The following NRG2 variants were observed in gnomAD, a reference collection of about 807,000 sequenced individuals.
NRG2 encodes the protein neuregulin 2.
Under a neutral mutation model 73.9 loss-of-function variants are expected in NRG2, and 27 were observed. The ratio of observed to expected loss-of-function variants is 0.37; its 90% CI spans 0.27 to 0.50. The LOEUF is 0.50. Ranked by LOEUF, NRG2 falls within the 20% of genes least tolerant of loss-of-function variation. The pLI, the probability that NRG2 is intolerant of heterozygous loss-of-function variation, is 0.96. For synonymous variants in NRG2, 532 were observed against 541.0 expected, an observed-to-expected ratio of 0.98 and a Z score of 0.23; for missense variants, 1,126 against 1,210.1, an observed-to-expected ratio of 0.93 and a Z score of 1.03.
chr5:139,935,729 GT>G (rs1466613153), intron 1 of NRG2, among the ~76,000 whole-genome samples: 6 of 152,142 alleles, frequency 3.9e-5, no homozygotes, highest in African/African-American at 1.4e-4. Flanking sequence ...GGAGGCCGAG[GT>G]GGGTGGATCA....
At chr5:139,878,007 C>G (rs994154515) in intron 3 of NRG2, among the ~76,000 whole-genome samples, 1 of 152,168 alleles carries the variant, frequency 6.6e-6, no homozygotes, top group Non-Finnish European at 1.5e-5. Context: ...AAACTGATCA[C>G]AGCATGGCCT....
chr5:139,951,216 T>C (rs1257083087), intron 1 of NRG2, among the ~76,000 whole-genome samples: 5 of 152,222 alleles, frequency 3.3e-5, no homozygotes, highest in African/African-American at 1.2e-4. Context: ...TCACTTTCTG[T>C]GCTTCAGTTT....
chr5:139,969,008 G>T (rs999596670), intron 1 of NRG2, among the ~76,000 whole-genome samples: 2 of 152,256 alleles, frequency 1.3e-5, no homozygotes, highest in African/African-American at 2.4e-5. Context: ...GAAAGCTGCC[G>T]GCAGAGGGTT....
rs545541220 is a variant in NRG2 at position 139,856,022 on chromosome 5, C to T, written c.1190-244G>A. 6.9e-4 allele frequency: 372 copies of T among 538,174 alleles called. 3 individuals are homozygous for T. Among genetic ancestry groups the T allele is most frequent in the Middle Eastern group, 4.5e-3 (9 of 1,984 alleles). 33.3% of individuals were successfully genotyped at this position (538,174 alleles called of 1,614,324 possible). A position where few individuals can be genotyped will look rare whatever the true frequency, so the allele number is the denominator to read the frequency against. Reference sequence around the variant, plus strand: ...CACACAACTCCTCCTGAGTTCCCCTCCCCAAGCCCCATGCCTGCCCAGAGC... The same window carrying T: ...CACACAACTCCTCCTGAGTTCCCCTTCCCAAGCCCCATGCCTGCCCAGAGC... On this transcript the variant is annotated intron_variant, in intron 5 of 9. Transcript: ENST00000361474. The surrounding 1 kb of genome is among the most constrained non-coding windows in gnomAD (Gnocchi z 4.2).
intron 1 of NRG2, among the ~76,000 whole-genome samples, chr5:140,005,855 G>C (rs1758857233): frequency 6.6e-6 from 1 of 152,206 alleles, no homozygotes; most frequent in African/African-American, 2.4e-5. Context: ...GTTCAGGGGA[G>C]GGTGCAGGGA....
At chr5:140,039,489 A>C (rs766325857) in intron 1 of NRG2, among the ~76,000 whole-genome samples, 4 of 152,180 alleles carry the variant, frequency 2.6e-5, no homozygotes, top group Non-Finnish European at 5.9e-5. Context: ...ATATGTAAAA[A>C]TATCACTCTG....
intron 1 of NRG2, among the ~76,000 whole-genome samples, chr5:139,935,171 T>TA (rs1479474670): frequency 4.7e-5 from 7 of 150,476 alleles, no homozygotes; most frequent in Admixed American, 1.3e-4. Flanking sequence ...TTGTCTCAGT[T>TA]AAAAAAAAAG....
At chr5:139,862,283 G>C (rs1373563412) in intron 5 of NRG2, among the ~76,000 whole-genome samples, 1 of 152,230 alleles carries the variant, frequency 6.6e-6, no homozygotes, top group Non-Finnish European at 1.5e-5. Context: ...ACTGTTTAGA[G>C]TGGTGGCTGG....
intron 1 of NRG2, among the ~76,000 whole-genome samples, chr5:139,917,331 A>C (rs1751330594): frequency 6.6e-6 from 1 of 152,132 alleles, no homozygotes; most frequent in Non-Finnish European, 1.5e-5. Context: ...GGTTCACTGC[A>C]GCCTTGACCT....
intron 1 of NRG2, among the ~76,000 whole-genome samples, chr5:140,027,558 T>TGA (rs1561763521): frequency 6.6e-6 from 1 of 152,226 alleles, no homozygotes; most frequent in East Asian, 1.9e-4. Context: ...TAGGATATTT[T>TGA]GAGAGAGAGA....
chr5:140,030,947 T>A (rs979337447), intron 1 of NRG2, among the ~76,000 whole-genome samples: 3 of 152,098 alleles, frequency 2.0e-5, no homozygotes. Context: ...GGATTCCTTT[T>A]GAAAATGAGA....
chr5:139,965,061 C>T (rs1755388735), intron 1 of NRG2, among the ~76,000 whole-genome samples: 1 of 152,236 alleles, frequency 6.6e-6, no homozygotes, highest in Non-Finnish European at 1.5e-5. Context: ...GACACATCAG[C>T]ACTGCCCCAG....
chr5:139,993,875 C>A (rs768809156), intron 1 of NRG2, among the ~76,000 whole-genome samples: 3 of 152,040 alleles, frequency 2.0e-5, no homozygotes, highest in Non-Finnish European at 4.4e-5. Context: ...TCCATATAGT[C>A]AAATATATGA....
intron 1 of NRG2, among the ~76,000 whole-genome samples, chr5:140,012,565 C>A (rs1167627776): frequency 6.6e-6 from 1 of 152,122 alleles, no homozygotes; most frequent in African/African-American, 2.4e-5. Flanking sequence ...GTCATCTCTA[C>A]CCATCACCTT....
chr5:140,015,183 T>G (rs1759672877), intron 1 of NRG2, among the ~76,000 whole-genome samples: 1 of 152,218 alleles, frequency 6.6e-6, no homozygotes, highest in Non-Finnish European at 1.5e-5. Context: ...ATTTATAACT[T>G]TCTAAATATT....
intron 1 of NRG2, among the ~76,000 whole-genome samples, chr5:140,016,104 T>C (rs1759755501): frequency 6.6e-6 from 1 of 152,046 alleles, no homozygotes; most frequent in Non-Finnish European, 1.5e-5. Flanking sequence ...GTCCTCAAGT[T>C]AGGGAGGAAG....
intron 1 of NRG2, among the ~76,000 whole-genome samples, chr5:139,908,079 AG>A (rs1231342288): frequency 6.6e-6 from 1 of 152,258 alleles, no homozygotes; most frequent in African/African-American, 2.4e-5. Flanking sequence ...TCATGTACCC[AG>A]GAAGCTGCAA....
intron 1 of NRG2, among the ~76,000 whole-genome samples, chr5:140,012,178 A>G (rs559051838): frequency 4.6e-5 from 7 of 152,040 alleles, no homozygotes; most frequent in African/African-American, 1.7e-4. Flanking sequence ...ATTAACTTTG[A>G]CTTGTTCTTC....
At chr5:139,970,964 T>C (rs1038648504) in intron 1 of NRG2, among the ~76,000 whole-genome samples, 8 of 152,132 alleles carry the variant, frequency 5.3e-5, no homozygotes, top group African/African-American at 1.9e-4. Context: ...TTTTATTTTT[T>C]CCCCTTGAGC....
Sources: allele counts gnomAD v4.1 joint callset (sites outside exome capture counted in the v4.1 genomes callset), GRCh38; gene constraint gnomAD v4.1.1; non-coding constraint Gnocchi (gnomAD v3.1); transcripts MANE v1.5; gene names NCBI Gene and HGNC (gene_info 2026-07-23, HGNC 2026-07-21).